The following GFY variants were observed in gnomAD, a reference collection of about 807,000 sequenced individuals.
The protein encoded by GFY is Golgi-associated olfactory signaling regulator.
A neutral mutation model predicts 29.1 loss-of-function variants in GFY; 28 were observed. That is an observed-to-expected ratio of 0.96 (90% CI 0.71 to 1.32). GFY has a LOEUF of 1.32. GFY is among the 40% of genes most tolerant of loss of function. The probability of loss-of-function intolerance (pLI) is 0.00; values close to 1 mark genes in which losing one functional copy is unlikely to be tolerated. For synonymous variants in GFY, 277 were observed against 274.5 expected (o/e 1.01, Z -0.09); for missense variants, 656 against 661.9 (o/e 0.99, Z 0.10).
Position 49,427,084 on chromosome 19 carries a change from C to A in GFY, c.654C>A (p.Asp218Glu), listed in dbSNP as rs1231517502. 1 of 1,535,680 alleles carries A rather than the reference C, an allele frequency of 6.5e-7. No homozygotes were observed. The highest frequency in any genetic ancestry group is 1.4e-5 in the African/African-American group (1 of 72,890). Reference sequence around the variant, plus strand: ...ACCCCAAATCCCCAGAAAAGCATGACCTCAACTCCACTGAGACCCCAAACT... The same window carrying A: ...ACCCCAAATCCCCAGAAAAGCATGAACTCAACTCCACTGAGACCCCAAACT... ...TPDPKSPEKH[D>E]LNSTETPNSE... Residue 218 changes from aspartate (D) to glutamate (E), a missense_variant, in exon 2 of 4, where the codon GAC becomes GAA. By Grantham distance (45) the Asp-to-Glu change is conservative. Coordinates refer to ENST00000610896, the MANE Select transcript of GFY (RefSeq NM_001195256.2).
chr19:49,424,144 A>T (rs1975048770), upstream of GFY: 1 of 152,350 alleles, frequency 6.6e-6, no homozygotes, highest in African/African-American at 2.4e-5. Context: ...AGGGCTCCTG[A>T]GCTGCCCTAA....
chr19:49,427,301 C>G lies in GFY; in HGVS notation c.871C>G (p.Pro291Ala), dbSNP rs753351759. 3.4e-5 allele frequency: 52 copies of G among 1,536,084 alleles called. No homozygotes were observed. The highest frequency in any genetic ancestry group is 1.5e-4 in the South Asian group (13 of 84,066). ...STSLYPETPV[P>A]FKDDATALNE... ...TAGTCTCTACCCAGAAACACCTGTG[C>G]CCTTCAAGGATGACGCCACTGCTCT... Residue 291 changes from proline (P) to alanine (A), a missense_variant, in exon 2 of 4, where the codon CCC becomes GCC. Coordinates refer to ENST00000610896, the MANE Select transcript of GFY (RefSeq NM_001195256.2).
chr19:49,428,915 T>C lies in GFY; in HGVS notation c.*97T>C. 1.2e-6 allele frequency: 1 copy of C among 815,294 alleles called. No homozygotes were observed. The allele number at this position is 815,294 out of a possible 1,614,324, so 50.5% of individuals were successfully genotyped here. A position where few individuals can be genotyped will look rare whatever the true frequency, so the allele number is the denominator to read the frequency against. On this transcript the variant is annotated 3_prime_UTR_variant, in exon 4 of 4. Coordinates refer to ENST00000610896, the MANE Select transcript of GFY (RefSeq NM_001195256.2). The stretch of plus-strand genomic sequence containing the variant: ...CTAGAGTAGTGCCCCGGATAAAGGG[T>C]CTAATATACAGAGATGCTTGCGCTG...
chr19:49,424,204 T>C (rs1019835481), upstream of GFY, among the ~76,000 whole-genome samples: 2 of 152,086 alleles, frequency 1.3e-5, no homozygotes, highest in African/African-American at 4.8e-5. Flanking sequence ...GCTGTGAAGA[T>C]TAAAGCCCAG....
intron 3 of GFY, among the ~76,000 whole-genome samples, chr19:49,428,417 C>T (rs904423225): frequency 4.6e-5 from 7 of 152,282 alleles, no homozygotes; most frequent in Non-Finnish European, 4.4e-5. Flanking sequence ...CTGCAGGCCC[C>T]GCCGCTGCTG....
At position 49,426,475 on chromosome 19, in the gene GFY, C is replaced by G; in HGVS notation, c.45C>G (p.Ala15=). The G allele has an allele frequency of 6.5e-7, 1 of 1,535,980 alleles. No individual in the cohort carries two copies. Among genetic ancestry groups the G allele is most frequent in the East Asian group, 2.4e-5 (1 of 40,914 alleles). The part of the protein sequence containing the change: ...SRILFLVFLL[A]GLRSKAAPSA... ...TCCTCTTCCTCGTCTTCCTCCTCGC[C>G]GGCCTGAGGTCCAAGGCCGCTCCCT... Residue 15 remains alanine, a synonymous_variant, in exon 2 of 4, where the codon GCC becomes GCG. Coordinates refer to ENST00000610896, the MANE Select transcript of GFY (RefSeq NM_001195256.2).
chr19:49,428,383 G>A (rs2078943000), intron 3 of GFY, among the ~76,000 whole-genome samples: 1 of 152,070 alleles, frequency 6.6e-6, no homozygotes, highest in Non-Finnish European at 1.5e-5. Flanking sequence ...ACGCGGCCCG[G>A]AGCCCTGTAC....
Position 49,427,495 on chromosome 19 carries a change from C to T in GFY, c.1065C>T (p.Pro355=). Residue 355 remains proline, a synonymous_variant, in exon 2 of 4, where the codon CCC becomes CCT. Transcript: ENST00000610896. The part of the protein sequence containing the change: ...VPPPSARIAG[P]PALPGRPSQL... ...CTCCCTCAGCCCGGATTGCAGGTCC[C>T]CCTGCTCTTCCAGGGCGCCCCAGTC... 6.5e-7 allele frequency: 1 copy of T among 1,534,152 alleles called. No individual in the cohort carries two copies.
In GFY at chr19:49,426,462, T is replaced by C. The variant is rs1975073062; in HGVS notation, c.32T>C (p.Val11Ala). 1.3e-6 allele frequency: 2 copies of C among 1,535,770 alleles called. No homozygotes were observed. The highest frequency in any genetic ancestry group is 1.2e-5 in the South Asian group (1 of 84,058). MKSFSRILFL[V>A]FLLAGLRSKA... ...TCATTCAGCCGGATCCTCTTCCTCG[T>C]CTTCCTCCTCGCCGGCCTGAGGTCC... The change falls in exon 2 of 4, where the codon GTC becomes GCC. Residue 11 changes from valine to alanine, a missense_variant. By Grantham distance (64) the Val-to-Ala change is moderately conservative. Coordinates refer to ENST00000610896, the MANE Select transcript of GFY (RefSeq NM_001195256.2).
rs1354318425 is a variant in GFY at position 49,428,744 on chromosome 19, C to T, written c.1483C>T (p.Pro495Ser). 2.6e-6 allele frequency: 4 copies of T among 1,519,758 alleles called. No homozygotes were observed. Among genetic ancestry groups the T allele is most frequent in the Non-Finnish European group, 3.5e-6 (4 of 1,138,892 alleles). The allele number at this position is 1,519,758 out of a possible 1,614,324, so 94.1% of individuals were successfully genotyped here. ...ACCTCCTCTGCCACCAAAGCTGCCC[C>T]CGCCGCCCCGCGGGGGTCGCCCGCA... ...PTPPLPPKLPPPPRGGRPQRL... is the reference protein window; with the variant it reads ...PTPPLPPKLPSPPRGGRPQRL... Residue 495 changes from proline (P) to serine (S), a missense_variant, in exon 4 of 4, where the codon CCG becomes TCG. Physicochemically the swap from Pro to Ser is moderately conservative, Grantham distance 74. Coordinates refer to ENST00000610896, the MANE Select transcript of GFY (RefSeq NM_001195256.2).
In GFY at chr19:49,427,405, T is replaced by C. The variant is rs1388241192; in HGVS notation, c.975T>C (p.Asp325=). Residue 325 remains aspartate (D), a synonymous_variant, in exon 2 of 4, where the codon GAT becomes GAC. Coordinates refer to ENST00000610896, the MANE Select transcript of GFY (RefSeq NM_001195256.2). ...QPDSPKLPTS[D]SPGMVELKAP... is the part of the protein sequence containing the mutation. ...ACTCCCCAAAATTGCCCACTTCAGA[T>C]TCTCCAGGAATGGTTGAGCTGAAGG... is the stretch of plus-strand genomic sequence containing the variant. 6.5e-7 allele frequency: 1 copy of C among 1,535,868 alleles called. No individual in the cohort carries two copies. Among genetic ancestry groups the C allele is most frequent in the African/African-American group, 1.4e-5 (1 of 73,054 alleles).
chr19:49,428,501 T>A (rs2078943597), intron 3 of GFY, 118 bp from the exon 4 acceptor site: 1 of 750,760 alleles, frequency 1.3e-6, no homozygotes, highest in Admixed American at 3.6e-5. Flanking sequence ...AAATGCAGAA[T>A]CGGAATCCTC....
chr19:49,428,623 G>T lies in GFY; in HGVS notation c.1362G>T (p.Leu454=), dbSNP rs1264355520. Residue 454 remains leucine, a synonymous_variant, in exon 4 of 4, where the codon CTG becomes CTT. Transcript: ENST00000610896. ...CACGCCCCTTTGCACCCACAGTTCT[G>T]CATTTGGACGCCCCGAAAGACCCCT... ...RLPDDGDEPV[L]HLDAPKDPYD... The T allele has an allele frequency of 6.8e-7, 1 of 1,474,150 alleles. No individual in the cohort carries two copies. Among genetic ancestry groups the T allele is most frequent in the Non-Finnish European group, 9.0e-7 (1 of 1,106,288 alleles). The allele number at this position is 1,474,150 out of a possible 1,614,324, so 91.3% of individuals were successfully genotyped here.
At position 49,427,535 on chromosome 19, in the gene GFY, A is replaced by C; in HGVS notation, c.1105A>C (p.Thr369Pro). Residue 369 changes from threonine to proline, a missense_variant, in exon 2 of 4, where the codon ACT becomes CCT. Coordinates refer to ENST00000610896, the MANE Select transcript of GFY (RefSeq NM_001195256.2). ...GCGCCCCAGTCAGTTGGCCCCTGCC[A>C]CTCTGCGGGCACCCCAGAGGCACAG... ...PGRPSQLAPA[T>P]LRAPQRHSRG... 1 of 1,518,540 alleles carries C rather than the reference A, an allele frequency of 6.6e-7. No homozygotes were observed. The highest frequency in any genetic ancestry group is 8.8e-7 in the Non-Finnish European group (1 of 1,138,714). The allele number at this position is 1,518,540 out of a possible 1,614,324, so 94.1% of individuals were successfully genotyped here.
At chr19:49,428,497 A>C (rs963033485) in intron 3 of GFY, 122 bp from the exon 4 acceptor site, 5 of 724,646 alleles carry the variant, frequency 6.9e-6, no homozygotes, top group Non-Finnish European at 1.0e-5. Flanking sequence ...GTTCAAATGC[A>C]GAATCGGAAT....
Position 49,427,379 on chromosome 19 carries a change from G to A in GFY, c.949G>A (p.Asp317Asn), listed in dbSNP as rs779384288. The change falls in exon 2 of 4, where the codon GAC becomes AAC. Residue 317 changes from aspartate to asparagine, a missense_variant. Transcript: ENST00000610896. ...AGGAACACCTGCAGCCATCCAGCCC[G>A]ACTCCCCAAAATTGCCCACTTCAGA... is the stretch of plus-strand genomic sequence containing the variant. ...KPGTPAAIQP[D>N]SPKLPTSDSP... The A allele has an allele frequency of 6.9e-5, 106 of 1,535,928 alleles. No individual in the cohort carries two copies. Among genetic ancestry groups the A allele is most frequent in the Non-Finnish European group, 8.7e-5 (100 of 1,146,852 alleles).
rs952091673 is a variant in GFY, at chr19:49,426,940, C to G, written c.510C>G (p.Asn170Lys). 6 of 1,535,868 alleles carry G rather than the reference C, an allele frequency of 3.9e-6. No individual in the cohort carries two copies. The highest frequency in any genetic ancestry group is 5.2e-6 in the Non-Finnish European group (6 of 1,146,884). Residue 170 changes from asparagine (N) to lysine (K), a missense_variant, in exon 2 of 4, where the codon AAC becomes AAG. Coordinates refer to ENST00000610896, the MANE Select transcript of GFY (RefSeq NM_001195256.2). ...TSRPEFPETP[N>K]TDLMQTTPQE... ...GCCCAGAATTTCCTGAGACCCCAAA[C>G]ACTGACCTTATGCAAACTACACCCC... is the stretch of plus-strand genomic sequence containing the variant.
At chr19:49,426,321 CTG>C (rs1209630240) in intron 1 of GFY, 87 bp from the exon 2 acceptor site, 45 of 1,440,648 alleles carry the variant, frequency 3.1e-5, no homozygotes, top group Non-Finnish European at 3.9e-5. Flanking sequence ...CGTGGTCCAC[CTG>C]TGTTCCAGTG....
rs1975081282 is a variant in GFY, at chr19:49,426,967, A to C, written c.537A>C (p.Gln179His). Reference protein sequence around the residue: ...PNTDLMQTTPQESPEILQLNA... With the variant: ...PNTDLMQTTPHESPEILQLNA... ...CTGACCTTATGCAAACTACACCCCA[A>C]GAATCCCCAGAGATTCTGCAGCTTA... The change falls in exon 2 of 4, where the codon CAA becomes CAC. Residue 179 changes from glutamine to histidine, a missense_variant. Physicochemically the swap from Gln to His is conservative, Grantham distance 24. Transcript: ENST00000610896. The C allele has an allele frequency of 6.5e-7, 1 of 1,535,670 alleles. No homozygotes were observed. The highest frequency in any genetic ancestry group is 8.7e-7 in the Non-Finnish European group (1 of 1,146,864).
Sources: gnomAD v4.1 joint callset for allele counts (sites outside exome capture counted in the v4.1 genomes callset) on GRCh38, gnomAD v4.1.1 for gene constraint, MANE v1.5 for transcripts, NCBI Gene and HGNC (gene_info 2026-07-23, HGNC 2026-07-21) for gene names.